The following MYH11 variants were observed in gnomAD, a reference collection of about 807,000 sequenced individuals.
MYH11 encodes the protein myosin heavy chain 11.
MYH11 carries 80 observed loss-of-function variants against 246.6 expected under a neutral mutation model. The observed-to-expected ratio is 0.32, with a 90% CI of 0.27 to 0.39. MYH11 has a LOEUF of 0.39. MYH11 is among the 10% of genes least tolerant of loss of function. MYH11 has a pLI of 1.00. For missense variants in MYH11, 2,158 were observed against 2,546.8 expected (o/e 0.85, Z 3.29); for synonymous variants, 1,071 against 1,015.5 (o/e 1.05, Z -1.04).
At position 15,779,131 on chromosome 16, in the gene MYH11, A is replaced by G. The variant is rs575443893; in HGVS notation, c.727-288T>C. On this transcript the variant is annotated intron_variant, in intron 6 of 40. Coordinates refer to ENST00000300036, the MANE Select transcript of MYH11 (RefSeq NM_002474.3). ...ATCATGGCTATCCCTATTTAAAAAA[A>G]CTTATTTATTTATTAGAGACAAGGT... The G allele has an allele frequency of 9.5e-6, 5 of 526,524 alleles. No homozygotes were observed. In the East Asian group the frequency reaches 1.0e-4, roughly 11 times the overall value. The allele number at this position is 526,524 out of a possible 1,614,324, so 32.6% of individuals were successfully genotyped here.
At chr16:15,737,160 T>C (rs373437418) in intron 25 of MYH11, among the ~76,000 whole-genome samples, 42 of 152,166 alleles carry the variant, frequency 2.8e-4, no homozygotes, top group African/African-American at 9.9e-4. Flanking sequence ...GAAGGGGGTC[T>C]AGATGAGAAA....
At chr16:15,816,181 A>T (rs2043257404) in intron 3 of MYH11, among the ~76,000 whole-genome samples, 1 of 152,192 alleles carries the variant, frequency 6.6e-6, no homozygotes, top group Non-Finnish European at 1.5e-5. Context: ...CAAGGAATCC[A>T]CTATGAAAGC....
chr16:15,839,760 C>A (rs962172504), intron 1 of MYH11, among the ~76,000 whole-genome samples: 1 of 150,376 alleles, frequency 6.6e-6, no homozygotes, highest in African/African-American at 2.4e-5. Flanking sequence ...TCAAGAGTTG[C>A]CAGAGGAGGC....
chr16:15,809,199 G>T (rs79908482), intron 3 of MYH11, among the ~76,000 whole-genome samples: 5 of 152,112 alleles, frequency 3.3e-5, no homozygotes, highest in African/African-American at 1.2e-4. Flanking sequence ...TTACACATAC[G>T]CACAGTAGGC....
In MYH11 at chr16:15,720,613, A is replaced by G. The variant is rs57826272; in HGVS notation, c.4791+226T>C. On this transcript the variant is annotated intron_variant, in intron 33 of 40. Coordinates refer to ENST00000300036, the MANE Select transcript of MYH11 (RefSeq NM_002474.3). The stretch of plus-strand genomic sequence containing the variant: ...AAAAAAAAAAAAAAATTAGCTAGGT[A>G]TGGTGGCATGCGCCTGTAATCCAAG... Among the ~76,000 whole-genome samples the G allele has an allele frequency of 0.075, 11,450 of 151,826 alleles. 1,059 individuals carry two copies. Among genetic ancestry groups the G allele is most frequent in the African/African-American group, 0.22 (9,096 of 41,346 alleles).
intron 5 of MYH11, chr16:15,785,069 T>C (rs1752939237): frequency 1.1e-5 from 2 of 180,524 alleles, no homozygotes; most frequent in South Asian, 1.5e-4. Flanking sequence ...AGGCTGGTCC[T>C]GAACTCCTGG....
intron 19 of MYH11, among the ~76,000 whole-genome samples, chr16:15,745,574 C>A (rs1482458450): frequency 1.5e-5 from 2 of 136,346 alleles, no homozygotes; most frequent in Admixed American, 8.0e-5. Flanking sequence ...TTTCTTTTTT[C>A]TTTCTTTCTT....
chr16:15,782,856 T>A (rs2151303555), intron 5 of MYH11: 1 of 210,352 alleles, frequency 4.8e-6, no homozygotes, highest in East Asian at 1.1e-4. Flanking sequence ...TACATGGCAG[T>A]CGTGCTGCTG....
At chr16:15,744,676 T>TA (rs2041368217) in intron 20 of MYH11, among the ~76,000 whole-genome samples, 1 of 152,020 alleles carries the variant, frequency 6.6e-6, no homozygotes, top group Admixed American at 6.6e-5. Flanking sequence ...CTAATTTTTG[T>TA]ATTTTAAGTA....
intron 37 of MYH11, chr16:15,717,606 C>G (rs1360533276): frequency 3.5e-6 from 2 of 579,150 alleles, no homozygotes; most frequent in African/African-American, 3.7e-5. Flanking sequence ...ACCTGCCTGG[C>G]CAACATGGTG....
chr16:15,755,123 C>T (rs1295302240), intron 14 of MYH11, among the ~76,000 whole-genome samples: 1 of 152,192 alleles, frequency 6.6e-6, no homozygotes, highest in African/African-American at 2.4e-5. Context: ...AGATCGGACT[C>T]TGTTGCCAGG....
In MYH11 at chr16:15,718,423, G is replaced by C. The variant is rs145101141; in HGVS notation, c.5187C>G (p.Asp1729Glu). The change falls in exon 37 of 41, where the codon GAC (aspartate) becomes GAG (glutamate). Residue 1729 changes from aspartate to glutamate, a missense_variant. Asp to Glu is a conservative substitution (Grantham distance 45). This residue lies in a region of MYH11 where 1,013 missense variants were observed against 993.5 expected (regional missense o/e 1.02). Transcript: ENST00000300036. ...TCCGGGCCTCCAGGCGGCGCTTCTC[G>C]TCCTGGAGTGCGTTCCTGGGGGAAG... ...SSLSGRNALQDEKRRLEARIA... is the reference protein window; with the variant it reads ...SSLSGRNALQEEKRRLEARIA... The C allele has an allele frequency of 1.9e-6, 3 of 1,574,648 alleles. No homozygotes were observed. Among genetic ancestry groups the C allele is most frequent in the Non-Finnish European group, 2.6e-6 (3 of 1,161,662 alleles).
At chr16:15,806,479 G>A (rs1193083214) in intron 3 of MYH11, among the ~76,000 whole-genome samples, 1 of 152,022 alleles carries the variant, frequency 6.6e-6, no homozygotes, top group African/African-American at 2.4e-5. Context: ...TTTGGGGGAT[G>A]ATAGAAATAT....
At chr16:15,743,514 G>A (rs1267906674) in intron 20 of MYH11, among the ~76,000 whole-genome samples, 4 of 152,172 alleles carry the variant, frequency 2.6e-5, no homozygotes, top group African/African-American at 7.2e-5. Context: ...GTTCAGTGGG[G>A]ACGAACATTT....
intron 32 of MYH11, 54 bp from the exon 33 acceptor site, chr16:15,721,105 T>C (rs570743425): frequency 6.5e-5 from 104 of 1,590,828 alleles, no homozygotes; most frequent in Non-Finnish European, 8.1e-5. Flanking sequence ...ATGAAGACGA[T>C]TGAGAAACCC....
At chr16:15,818,590 G>A (rs2043321560) in intron 3 of MYH11, among the ~76,000 whole-genome samples, 1 of 151,936 alleles carries the variant, frequency 6.6e-6, no homozygotes, top group Non-Finnish European at 1.5e-5. Flanking sequence ...GCCTGCCACT[G>A]TGCCTGGCTA....
chr16:15,819,585 C>A (rs1487221956), intron 3 of MYH11, among the ~76,000 whole-genome samples: 1 of 152,188 alleles, frequency 6.6e-6, no homozygotes, highest in African/African-American at 2.4e-5. Flanking sequence ...CTGTCACTGT[C>A]TCCCATCACC....
chr16:15,716,722 C>T (rs915731982), intron 38 of MYH11, among the ~76,000 whole-genome samples: 1 of 152,164 alleles, frequency 6.6e-6, no homozygotes, highest in South Asian at 2.1e-4. Context: ...CCATGTTGGC[C>T]AGGCCGGTCT....
chr16:15,850,762 G>A (rs1290769662), intron 1 of MYH11, among the ~76,000 whole-genome samples: 1 of 152,142 alleles, frequency 6.6e-6, no homozygotes, highest in Non-Finnish European at 1.5e-5. Flanking sequence ...AGGCATGGCA[G>A]CACATGCCGG....
Sources: allele counts gnomAD v4.1 joint callset (sites outside exome capture counted in the v4.1 genomes callset), GRCh38; gene constraint gnomAD v4.1.1; regional missense constraint gnomAD v4.1.1; transcripts MANE v1.5; gene names NCBI Gene and HGNC (gene_info 2026-07-23, HGNC 2026-07-21).